Variants in LRRD1 observed in about 807,000 individuals in gnomAD.
LRRD1 encodes the protein leucine rich repeats and death domain containing 1.
In LRRD1, 49 loss-of-function variants were observed where a neutral mutation model predicts 69.5. That is an observed-to-expected ratio of 0.70 (90% CI 0.56 to 0.89). LRRD1 has a LOEUF of 0.89. Ranked by LOEUF, LRRD1 falls within the 40% of genes least tolerant of loss-of-function variation. The pLI is 0.00. For missense variants in LRRD1, 853 were observed against 956.0 expected (o/e 0.89, Z 1.42); for synonymous variants, 303 against 338.9 (o/e 0.89, Z 1.16).
At chr7:92,147,730 G>A (rs1820363229) in intron 4 of LRRD1, among the ~76,000 whole-genome samples, 2 of 151,862 alleles carry the variant, frequency 1.3e-5, no homozygotes, top group Non-Finnish European at 1.5e-5. Context: ...GGTACTGTGA[G>A]TTTTTTCTTT....
At position 92,146,094 on chromosome 7, in the gene LRRD1, C is replaced by A; in HGVS notation, c.2385G>T (p.Met795Ile). ...KLNLANSETD[M>I]PTKSTVSLSE... Reference sequence around the variant, plus strand: ...TCATTTATACATACCTCTTTGTAGGCATATCAGTTTCTGAGTTTGCCAGGT... The same window carrying A: ...TCATTTATACATACCTCTTTGTAGGAATATCAGTTTCTGAGTTTGCCAGGT... The change falls in exon 5 of 6, where the codon ATG becomes ATT. Residue 795 changes from methionine to isoleucine, a missense_variant. By Grantham distance (10) the Met-to-Ile change is conservative. Coordinates refer to ENST00000458448, the MANE Select transcript of LRRD1 (RefSeq NM_001161528.2). 6.6e-7 allele frequency: 1 copy of A among 1,515,968 alleles called. No individual in the cohort carries two copies. The highest frequency in any genetic ancestry group is 8.9e-7 in the Non-Finnish European group (1 of 1,127,238). The allele number at this position is 1,515,968 out of a possible 1,614,324, so 93.9% of individuals were successfully genotyped here.
At chr7:92,146,548 C>T (rs1261326542) in intron 4 of LRRD1, among the ~76,000 whole-genome samples, 3 of 148,858 alleles carry the variant, frequency 2.0e-5, no homozygotes, top group African/African-American at 5.0e-5. Flanking sequence ...ACCGGGGAGG[C>T]GGAGGTTGCA....
At chr7:92,176,917 T>C (rs752160408) in intron 1 of LRRD1, among the ~76,000 whole-genome samples, 3 of 150,566 alleles carry the variant, frequency 2.0e-5, no homozygotes, top group Non-Finnish European at 4.4e-5. Context: ...AACTTGGTTA[T>C]GATATAATAC....
intron 1 of LRRD1, among the ~76,000 whole-genome samples, chr7:92,178,182 G>A (rs530382900): frequency 3.4e-4 from 51 of 151,978 alleles, no homozygotes; most frequent in African/African-American, 1.2e-3. Context: ...GCGTAGTGGC[G>A]GGCGCCTGTA....
At chr7:92,159,449 C>T (rs1261846485) in intron 2 of LRRD1, among the ~76,000 whole-genome samples, 1 of 152,058 alleles carries the variant, frequency 6.6e-6, no homozygotes, top group Non-Finnish European at 1.5e-5. Flanking sequence ...CTGTGGCTTG[C>T]AACCCACTTT....
chr7:92,169,240 A>G (rs942467130), intron 1 of LRRD1, among the ~76,000 whole-genome samples: 1 of 152,108 alleles, frequency 6.6e-6, no homozygotes. Flanking sequence ...TAAGGCAGTG[A>G]TCTCAAAATA....
intron 1 of LRRD1, among the ~76,000 whole-genome samples, chr7:92,165,541 G>A (rs1563193260): frequency 6.6e-6 from 1 of 152,074 alleles, no homozygotes; most frequent in Non-Finnish European, 1.5e-5. Flanking sequence ...ATAAGGGACT[G>A]AGAGGATTCA....
chr7:92,177,923 A>G (rs1789232447), intron 1 of LRRD1, among the ~76,000 whole-genome samples: 1 of 152,222 alleles, frequency 6.6e-6, no homozygotes, highest in East Asian at 1.9e-4. Flanking sequence ...ATAGTGGTTA[A>G]CATGCAGTGA....
intron 1 of LRRD1, among the ~76,000 whole-genome samples, chr7:92,170,950 A>C (rs1423007015): frequency 6.6e-6 from 1 of 152,254 alleles, no homozygotes; most frequent in East Asian, 1.9e-4. Context: ...ATGAATGACC[A>C]TTGTGTCAAT....
chr7:92,158,579 G>A (rs925534598), intron 3 of LRRD1, among the ~76,000 whole-genome samples: 7 of 151,752 alleles, frequency 4.6e-5, no homozygotes, highest in African/African-American at 1.7e-4. Context: ...TTTGGTTATT[G>A]TAATGCTTTA....
At position 92,164,936 on chromosome 7, in the gene LRRD1, T is replaced by C. The variant is rs558146527; in HGVS notation, c.267A>G (p.Glu89=). The C allele has an allele frequency of 5.0e-5, 77 of 1,551,514 alleles. No homozygotes were observed. In the South Asian group the frequency reaches 8.7e-4, roughly 18 times the overall value. The change falls in exon 2 of 6, where the codon GAA becomes GAG. Residue 89 remains glutamate (E), a synonymous_variant. Transcript: ENST00000458448. The part of the protein sequence containing the change: ...EEQKKNLQFS[E]TSTRTGTSQS... ...GTGAAGTTCCTGTTCTAGTGCTTGTTTCAGAAAATTGAAGATTTTTCTTTT... is the reference window on the plus strand; with the variant it reads ...GTGAAGTTCCTGTTCTAGTGCTTGTCTCAGAAAATTGAAGATTTTTCTTTT...
At position 92,164,043 on chromosome 7, in the gene LRRD1, A is replaced by T; in HGVS notation, c.1160T>A (p.Ile387Lys). The change falls in exon 2 of 6, where the codon ATA becomes AAA. Residue 387 changes from isoleucine to lysine, a missense_variant. By Grantham distance (102) the Ile-to-Lys change is moderately radical (BLOSUM62 -3). This residue lies in a region of LRRD1 where 739 missense variants were observed against 808.0 expected (regional missense o/e 0.91). Transcript: ENST00000458448. ...TGCACAGCAAGATATTTTCTCTGGTATATTTTTCAATAAATTTTTATCAAG... is the reference window on the plus strand; with the variant it reads ...TGCACAGCAAGATATTTTCTCTGGTTTATTTTTCAATAAATTTTTATCAAG... ...LILDKNLLKN[I>K]PEKISCCAML... 1 of 1,540,406 alleles carries T rather than the reference A, an allele frequency of 6.5e-7. No individual in the cohort carries two copies. The highest frequency in any genetic ancestry group is 1.2e-5 in the South Asian group (1 of 82,110).
At chr7:92,153,034 A>G (rs1788547676) in intron 3 of LRRD1, among the ~76,000 whole-genome samples, 1 of 151,974 alleles carries the variant, frequency 6.6e-6, no homozygotes, top group South Asian at 2.1e-4. Flanking sequence ...AATATGACTA[A>G]TAAGCATAAT....
intron 2 of LRRD1, among the ~76,000 whole-genome samples, chr7:92,162,038 G>C (rs191904308): frequency 1.1e-4 from 16 of 152,154 alleles, no homozygotes; most frequent in Non-Finnish European, 1.9e-4. Flanking sequence ...GAATGAGATG[G>C]TTATGAATCA....
intron 4 of LRRD1, chr7:92,150,052 G>A (rs140327481): frequency 5.4e-5 from 16 of 298,328 alleles, no homozygotes; most frequent in Middle Eastern, 4.2e-4. Flanking sequence ...CCTGGATTAC[G>A]TAATCTGAAT....
At chr7:92,159,240 A>G (rs949232987) in intron 2 of LRRD1, 37 bp from the exon 3 acceptor site, 1 of 1,245,086 alleles carries the variant, frequency 8.0e-7, no homozygotes, top group African/African-American at 1.6e-5. Context: ...ATTTATAAAT[A>G]CATACATATT....
At chr7:92,169,103 G>A (rs1010842531) in intron 1 of LRRD1, among the ~76,000 whole-genome samples, 2 of 151,986 alleles carry the variant, frequency 1.3e-5, no homozygotes, top group Admixed American at 6.6e-5. Flanking sequence ...ATTTTTAGTA[G>A]AGACAGGGTT....
chr7:92,155,914 C>G (rs1392114075), intron 3 of LRRD1, among the ~76,000 whole-genome samples: 1 of 152,220 alleles, frequency 6.6e-6, no homozygotes, highest in Non-Finnish European at 1.5e-5. Flanking sequence ...CACAGCCAGT[C>G]TAGTCCTTCC....
chr7:92,159,210 C>T lies in LRRD1; in HGVS notation c.1918-7G>A, dbSNP rs1218721480. 1.4e-6 allele frequency: 2 copies of T among 1,457,148 alleles called. No individual in the cohort carries two copies. Among genetic ancestry groups the T allele is most frequent in the Middle Eastern group, 1.8e-4 (1 of 5,672 alleles). The allele number at this position is 1,457,148 out of a possible 1,614,324, so 90.3% of individuals were successfully genotyped here. A position where few individuals can be genotyped will look rare whatever the true frequency, so the allele number is the denominator to read the frequency against. On this transcript the variant is annotated splice_polypyrimidine_tract_variant and splice_region_variant and intron_variant, in intron 2 of 5. Coordinates refer to ENST00000458448, the MANE Select transcript of LRRD1 (RefSeq NM_001161528.2). ...CTCCTGGAAGTCTTGTTAGCTGTAA[C>T]AAAGATTACACAATTATACATTTAT... is the stretch of plus-strand genomic sequence containing the variant.
Sources: gnomAD v4.1 joint callset for allele counts (sites outside exome capture counted in the v4.1 genomes callset) on GRCh38, gnomAD v4.1.1 for gene constraint, gnomAD v4.1.1 regional missense constraint, MANE v1.5 for transcripts, NCBI Gene and HGNC (gene_info 2026-07-23, HGNC 2026-07-21) for gene names.